TTLL5: variants seen among roughly 807,000 people sequenced by gnomAD.
TTLL5 encodes the protein tubulin tyrosine ligase like 5.
TTLL5 carries 132 observed loss-of-function variants against 168.4 expected under a neutral mutation model. That is an observed-to-expected ratio of 0.78 (90% CI 0.68 to 0.91). The LOEUF (loss-of-function observed/expected upper bound fraction) is 0.91, where lower values mean the gene tolerates loss of function less well. Among genes scored for constraint, TTLL5 ranks in the 40% least tolerant of loss-of-function variants. TTLL5 has a pLI of 0.00. For missense variants in TTLL5, 1,545 were observed against 1,581.5 expected (o/e 0.98, Z 0.39); for synonymous variants, 546 against 558.6 (o/e 0.98, Z 0.32).
chr14:75,819,944 G>A (rs1894733737), intron 27 of TTLL5, 63 bp from the exon 28 acceptor site: 1 of 1,524,628 alleles, frequency 6.6e-7, no homozygotes, highest in African/African-American at 1.4e-5. Flanking sequence ...TTGCCTATAT[G>A]TTGTTAATGA....
intron 3 of TTLL5, among the ~76,000 whole-genome samples, chr14:75,679,596 A>G (rs962470917): frequency 5.3e-5 from 8 of 152,266 alleles, no homozygotes; most frequent in African/African-American, 1.9e-4. Context: ...TTATAAGTAC[A>G]TTATAATCTA....
chr14:75,779,804 C>T, intron 24 of TTLL5, 102 bp downstream of exon 24: 1 of 1,217,986 alleles, frequency 8.2e-7, no homozygotes, highest in Non-Finnish European at 1.1e-6. Flanking sequence ...CACTAATAGT[C>T]CCCAAGGTAA....
chr14:75,823,396 A>C (rs2044984124), intron 28 of TTLL5, among the ~76,000 whole-genome samples: 1 of 152,068 alleles, frequency 6.6e-6, no homozygotes, highest in South Asian at 2.1e-4. Context: ...GTGGGTTCTT[A>C]GTGCGTTTTT....
intron 18 of TTLL5, among the ~76,000 whole-genome samples, chr14:75,759,168 G>T (rs1325460944): frequency 6.6e-6 from 1 of 152,066 alleles, no homozygotes; most frequent in Non-Finnish European, 1.5e-5. Context: ...AGAAAAGAGA[G>T]GATTTCACTA....
At chr14:75,813,250 T>A (rs1894166447) in intron 27 of TTLL5, among the ~76,000 whole-genome samples, 2 of 148,164 alleles carry the variant, frequency 1.3e-5, no homozygotes, top group South Asian at 4.3e-4. Context: ...TGCTCTATTA[T>A]CCAGGCACTG....
rs1683958998 is a variant in TTLL5, at chr14:75,779,762, A to G, written c.2515+60A>G. 3.3e-6 allele frequency: 5 copies of G among 1,529,878 alleles called. No homozygotes were observed. In the Admixed American group the frequency reaches 5.9e-5, roughly 18 times the overall value. 94.8% of individuals were successfully genotyped at this position (1,529,878 alleles called of 1,614,324 possible). ...GAACAAGTGAAGAAATGAGAAATGC[A>G]AAGGAGAATGAGGAATAATGTGTTG... On this transcript the variant is annotated intron_variant, in intron 24 of 31. Transcript: ENST00000298832.
intron 12 of TTLL5, 150 bp downstream of exon 12, chr14:75,720,853 CT>C: frequency 1.5e-6 from 1 of 677,000 alleles, no homozygotes; most frequent in South Asian, 1.8e-5. Flanking sequence ...TATGAAGAGC[CT>C]ACTAAGAGGC....
chr14:75,691,774 G>T (rs184905800), intron 6 of TTLL5, among the ~76,000 whole-genome samples: 4 of 152,220 alleles, frequency 2.6e-5, no homozygotes, highest in Non-Finnish European at 5.9e-5. Context: ...AGACGAAGTA[G>T]CATGGGGAGA....
At chr14:75,927,705 A>G (rs1045410028) in intron 31 of TTLL5, among the ~76,000 whole-genome samples, 1 of 152,142 alleles carries the variant, frequency 6.6e-6, no homozygotes, top group African/African-American at 2.4e-5. Flanking sequence ...TGGTGTGCCT[A>G]GGGGACAGCA....
At chr14:75,702,472 A>G (rs1039740702) in intron 7 of TTLL5, among the ~76,000 whole-genome samples, 1 of 152,224 alleles carries the variant, frequency 6.6e-6, no homozygotes, top group Non-Finnish European at 1.5e-5. Context: ...TTTCTTAGAT[A>G]TGAGTCAAAA....
At chr14:75,911,642 G>A (rs1237242303) in intron 31 of TTLL5, among the ~76,000 whole-genome samples, 1 of 152,118 alleles carries the variant, frequency 6.6e-6, no homozygotes, top group Non-Finnish European at 1.5e-5. Context: ...ATTAAGACTT[G>A]TGACAAGCCC....
intron 31 of TTLL5, among the ~76,000 whole-genome samples, chr14:75,927,681 C>T (rs1181996647): frequency 1.3e-5 from 2 of 152,160 alleles, no homozygotes; most frequent in African/African-American, 4.8e-5. Context: ...GCTGTTTTAT[C>T]CTCCCAGGAA....
At chr14:75,918,924 C>T (rs1430771011) in intron 31 of TTLL5, among the ~76,000 whole-genome samples, 2 of 151,962 alleles carry the variant, frequency 1.3e-5, no homozygotes, top group East Asian at 3.9e-4. Flanking sequence ...AGCTTCTGGC[C>T]AGTCGCAGTG....
chr14:75,906,139 C>A (rs911440289), intron 31 of TTLL5, among the ~76,000 whole-genome samples: 58 of 152,166 alleles, frequency 3.8e-4, no homozygotes, highest in African/African-American at 1.3e-3. Context: ...ATATAGTAAA[C>A]CCTGTGGAGC....
At chr14:75,910,597 A>G (rs980823657) in intron 31 of TTLL5, among the ~76,000 whole-genome samples, 2 of 152,226 alleles carry the variant, frequency 1.3e-5, no homozygotes, top group Non-Finnish European at 2.9e-5. Context: ...GTTCTAAAGA[A>G]AGAAAATGAC....
At chr14:75,840,611 T>C (rs1458161356) in intron 28 of TTLL5, among the ~76,000 whole-genome samples, 1 of 152,162 alleles carries the variant, frequency 6.6e-6, no homozygotes, top group East Asian at 1.9e-4. Flanking sequence ...GGTATGGGGA[T>C]CGTTGGGGGC....
intron 15 of TTLL5, among the ~76,000 whole-genome samples, chr14:75,741,988 A>T (rs1374995394): frequency 2.0e-5 from 3 of 152,080 alleles, no homozygotes; most frequent in Non-Finnish European, 2.9e-5. Flanking sequence ...CAGGAATATT[A>T]AAAAAACCAT....
chr14:75,917,413 C>A (rs111851029), intron 31 of TTLL5, among the ~76,000 whole-genome samples: 3 of 152,184 alleles, frequency 2.0e-5, no homozygotes, highest in Admixed American at 2.0e-4. Flanking sequence ...AAACTCGGCC[C>A]GTCAAGGTGA....
intron 20 of TTLL5, among the ~76,000 whole-genome samples, chr14:75,770,179 GAA>G (rs56876692): frequency 1.2e-4 from 10 of 85,000 alleles, no homozygotes; most frequent in African/African-American, 3.5e-4. Flanking sequence ...ACTCTGTCTC[GAA>G]AAAAAAAAAA....
Sources: gnomAD v4.1 joint callset for allele counts (sites outside exome capture counted in the v4.1 genomes callset) on GRCh38, gnomAD v4.1.1 for gene constraint, MANE v1.5 for transcripts, NCBI Gene and HGNC (gene_info 2026-07-23, HGNC 2026-07-21) for gene names.